SDK1: variants seen among roughly 807,000 people sequenced by gnomAD.
SDK1 encodes the protein protein sidekick-1.
A neutral mutation model predicts 245.5 loss-of-function variants in SDK1; 157 were observed. That is an observed-to-expected ratio of 0.64 (90% CI 0.56 to 0.73). The LOEUF (loss-of-function observed/expected upper bound fraction) is 0.73. Ranked by LOEUF, SDK1 falls within the 30% of genes least tolerant of loss-of-function variation. SDK1 has a pLI of 0.00. For synonymous variants in SDK1, 1,647 were observed against 1,278.5 expected (o/e 1.29, Z -6.15); for missense variants, 3,583 against 3,002.3 (o/e 1.19, Z -4.52).
At chr7:3,839,414 C>T (rs1031317655) in intron 5 of SDK1, among the ~76,000 whole-genome samples, 7 of 152,014 alleles carry the variant, frequency 4.6e-5, no homozygotes, top group African/African-American at 1.7e-4. Flanking sequence ...AGTTGTCAGC[C>T]AATAGATCAT....
chr7:3,633,248 C>T (rs947337571), intron 2 of SDK1, among the ~76,000 whole-genome samples: 3 of 151,996 alleles, frequency 2.0e-5, no homozygotes, highest in Non-Finnish European at 4.4e-5. Flanking sequence ...TGACAGTCCC[C>T]CCACCACTGA....
At chr7:3,470,993 C>CTT (rs1376260463) in intron 1 of SDK1, among the ~76,000 whole-genome samples, 8 of 152,130 alleles carry the variant, frequency 5.3e-5, no homozygotes, top group Non-Finnish European at 1.0e-4. Flanking sequence ...TTTCCTCCTC[C>CTT]TTATAAACAC....
chr7:3,601,625 C>G (rs754187132), intron 1 of SDK1, among the ~76,000 whole-genome samples: 9 of 151,512 alleles, frequency 5.9e-5, no homozygotes, highest in Non-Finnish European at 1.0e-4. Flanking sequence ...AGAGGTTTAT[C>G]AGTTTTTTTC....
At chr7:3,573,756 A>C (rs939543127) in intron 1 of SDK1, among the ~76,000 whole-genome samples, 1 of 152,040 alleles carries the variant, frequency 6.6e-6, no homozygotes, top group Non-Finnish European at 1.5e-5. Context: ...TGATGTGGCC[A>C]CATAACATTG....
intron 14 of SDK1, among the ~76,000 whole-genome samples, chr7:4,001,417 T>C (rs1785063930): frequency 6.6e-6 from 1 of 152,198 alleles, no homozygotes; most frequent in South Asian, 2.1e-4. Flanking sequence ...TCCCCTTGGG[T>C]CCAGGTCAAA....
chr7:4,143,358 T>G (rs1265374689), intron 28 of SDK1, among the ~76,000 whole-genome samples: 1 of 151,890 alleles, frequency 6.6e-6, no homozygotes, highest in Non-Finnish European at 1.5e-5. Flanking sequence ...GGAGGAGAAG[T>G]CGTGACTGCA....
intron 27 of SDK1, among the ~76,000 whole-genome samples, chr7:4,130,844 C>T (rs907653002): frequency 1.3e-5 from 2 of 152,156 alleles, no homozygotes; most frequent in Non-Finnish European, 2.9e-5. Flanking sequence ...AACACCCACC[C>T]TGGGGATCGG....
intron 1 of SDK1, among the ~76,000 whole-genome samples, chr7:3,383,008 A>G (rs1261877074): frequency 6.6e-6 from 1 of 152,214 alleles, no homozygotes; most frequent in Non-Finnish European, 1.5e-5. Flanking sequence ...ATAGGTATCA[A>G]CCAGTGATAT....
chr7:3,904,819 C>G (rs938491069), intron 5 of SDK1, among the ~76,000 whole-genome samples: 4 of 151,956 alleles, frequency 2.6e-5, no homozygotes. Context: ...CAATAGAATC[C>G]CGTCTCTACT....
intron 1 of SDK1, among the ~76,000 whole-genome samples, chr7:3,474,043 C>G (rs1781265706): frequency 7.1e-6 from 1 of 141,380 alleles, no homozygotes; most frequent in South Asian, 2.4e-4. Context: ...CATGTGGTAT[C>G]ATGCGCCTGT....
intron 1 of SDK1, among the ~76,000 whole-genome samples, chr7:3,533,436 G>C (rs1342292108): frequency 1.3e-5 from 2 of 152,184 alleles, no homozygotes; most frequent in Non-Finnish European, 2.9e-5. Context: ...TATTCTGATA[G>C]TGCCACCAAA....
chr7:3,531,920 A>G (rs1294981600), intron 1 of SDK1, among the ~76,000 whole-genome samples: 1 of 152,202 alleles, frequency 6.6e-6, no homozygotes, highest in Non-Finnish European at 1.5e-5. Context: ...TATTTGTACT[A>G]AAGTAGCAGG....
In SDK1 at chr7:3,701,585, C is replaced by T. The variant is rs576906602; in HGVS notation, c.713+59480C>T. Among the ~76,000 whole-genome samples the T allele has an allele frequency of 2.1e-4, 32 of 151,914 alleles. No individual in the cohort carries two copies. The South Asian group carries it at 2.5e-3, about 12-fold the overall frequency. ...CAGTGCCCTAGCTTGGGTGATAGAG[C>T]GAGACCCTGTCTCAAAAAAACCCAA... On this transcript the variant is annotated intron_variant, in intron 4 of 44. Coordinates refer to ENST00000404826, the MANE Select transcript of SDK1 (RefSeq NM_152744.4).
chr7:4,034,087 C>T (rs1788038917), intron 17 of SDK1, among the ~76,000 whole-genome samples: 1 of 152,262 alleles, frequency 6.6e-6, no homozygotes, highest in South Asian at 2.1e-4. Flanking sequence ...AACACAGCCT[C>T]GCCTCTGTGC....
chr7:3,827,297 CT>C (rs1779801541), intron 5 of SDK1, among the ~76,000 whole-genome samples: 1 of 152,106 alleles, frequency 6.6e-6, no homozygotes, highest in Admixed American at 6.6e-5. Flanking sequence ...ATTTTCAGTC[CT>C]TTCATATTCA....
At chr7:3,974,570 A>C in intron 13 of SDK1, 25 bp downstream of exon 13, 1 of 1,606,210 alleles carries the variant, frequency 6.2e-7, no homozygotes, top group Non-Finnish European at 8.5e-7. Flanking sequence ...GTTTGGTGTT[A>C]GCCAGTCCGC....
intron 22 of SDK1, among the ~76,000 whole-genome samples, chr7:4,092,902 A>G (rs1475013257): frequency 1.3e-5 from 2 of 152,210 alleles, no homozygotes. Context: ...TCTCTGCCAG[A>G]AGAGTGTTCA....
At chr7:3,535,053 C>T (rs1778838335) in intron 1 of SDK1, among the ~76,000 whole-genome samples, 1 of 152,154 alleles carries the variant, frequency 6.6e-6, no homozygotes, top group Non-Finnish European at 1.5e-5. Flanking sequence ...GTGGGCGGAT[C>T]ACCTGAGGTC....
chr7:3,672,423 A>G (rs1022090830), intron 4 of SDK1, among the ~76,000 whole-genome samples: 11 of 151,340 alleles, frequency 7.3e-5, no homozygotes, highest in African/African-American at 1.7e-4. Flanking sequence ...TTATACTTCT[A>G]CTGCAAACTC....
Sources: allele counts gnomAD v4.1 joint callset (sites outside exome capture counted in the v4.1 genomes callset), GRCh38; gene constraint gnomAD v4.1.1; transcripts MANE v1.5; gene names NCBI Gene and HGNC (gene_info 2026-07-23, HGNC 2026-07-21).